Variants in RB1 observed in about 807,000 individuals in gnomAD.
RB1 encodes retinoblastoma-associated protein.
Under a neutral mutation model 135.4 loss-of-function variants are expected in RB1, and 18 were observed. That is an observed-to-expected ratio of 0.13 (90% confidence interval 0.09 to 0.20). The LOEUF is 0.20. Among genes scored for constraint, RB1 ranks in the 10% least tolerant of loss-of-function variants. The probability of loss-of-function intolerance (pLI) is 1.00; values close to 1 mark genes in which losing one functional copy is unlikely to be tolerated. For synonymous variants in RB1, 365 were observed against 373.2 expected (o/e 0.98, Z 0.25); for missense variants, 868 against 1,110.0 (o/e 0.78, Z 3.10).
chr13:48,464,199 A>G (rs1415922025), intron 21 of RB1, among the ~76,000 whole-genome samples: 1 of 152,228 alleles, frequency 6.6e-6, no homozygotes, highest in African/African-American at 2.4e-5. Context: ...CTTGCAAATC[A>G]ATAATACAAA....
chr13:48,472,733 A>AT (rs1202029459), intron 23 of RB1, among the ~76,000 whole-genome samples: 3 of 152,154 alleles, frequency 2.0e-5, no homozygotes, highest in African/African-American at 7.2e-5. Context: ...ATGTAGAGTG[A>AT]TGGCCACTTA....
At chr13:48,417,458 A>G (rs1205912602) in intron 17 of RB1, 1 of 152,214 alleles carries the variant, frequency 6.6e-6, no homozygotes. Context: ...AGATAAATCC[A>G]TGAAGATGAG....
intron 17 of RB1, among the ~76,000 whole-genome samples, chr13:48,446,109 C>T (rs1471967241): frequency 6.6e-6 from 1 of 152,142 alleles, no homozygotes; most frequent in Admixed American, 6.5e-5. Context: ...AGGTGCGTGC[C>T]ACCATGCCCG....
chr13:48,465,398 A>T (rs2138346421), intron 23 of RB1, 30 bp downstream of exon 23: 1 of 1,543,880 alleles, frequency 6.5e-7, no homozygotes, highest in Non-Finnish European at 9.0e-7. Context: ...GGAAGTAGTA[A>T]AGAATGAGAG....
Position 48,380,159 on chromosome 13 carries a change from C to A in RB1, c.1422-6C>A. The A allele has an allele frequency of 6.6e-7, 1 of 1,520,390 alleles. No individual in the cohort carries two copies. 94.2% of individuals were successfully genotyped at this position (1,520,390 alleles called of 1,614,324 possible). A position where few individuals can be genotyped will look rare whatever the true frequency, so the allele number is the denominator to read the frequency against. On this transcript the variant is annotated splice_region_variant and splice_polypyrimidine_tract_variant and intron_variant, in intron 15 of 26. Coordinates refer to ENST00000267163, the MANE Select transcript of RB1 (RefSeq NM_000321.3). ...GTATTTTATAATCTTTTTTTTTTTC[C>A]TTTAGCAAACTTCTGAATGACAACA... is the stretch of plus-strand genomic sequence containing the variant.
At chr13:48,411,248 A>T (rs1215329312) in intron 17 of RB1, 3 of 714,140 alleles carry the variant, frequency 4.2e-6, no homozygotes, top group African/African-American at 1.8e-5. Context: ...CATTGAATAC[A>T]AATTTTCTTT....
chr13:48,472,439 C>G (rs1166153631), intron 23 of RB1, among the ~76,000 whole-genome samples: 1 of 152,050 alleles, frequency 6.6e-6, no homozygotes, highest in Non-Finnish European at 1.5e-5. Flanking sequence ...TTCTAAGCTG[C>G]TAAGATGCCA....
At chr13:48,323,462 GT>G (rs560277520) in intron 2 of RB1, among the ~76,000 whole-genome samples, 6 of 150,244 alleles carry the variant, frequency 4.0e-5, no homozygotes, top group East Asian at 3.9e-4. Flanking sequence ...GTGATTTAAA[GT>G]TTTTTTTTCT....
intron 19 of RB1, among the ~76,000 whole-genome samples, chr13:48,457,325 A>T (rs1161455297): frequency 1.3e-5 from 2 of 152,112 alleles, no homozygotes; most frequent in East Asian, 3.9e-4. Flanking sequence ...GCTCGTCCTG[A>T]CAAGTGTTCA....
In RB1 at chr13:48,476,437, G is replaced by A. The variant is rs149568500; in HGVS notation, c.2521-264G>A. ...TGAGGAACCAGGACTTGCAGAGTAG[G>A]CAGTTGCTGGAGGAAGAATGTGAGC... On this transcript the variant is annotated intron_variant, in intron 24 of 26. Coordinates refer to ENST00000267163, the MANE Select transcript of RB1 (RefSeq NM_000321.3). The A allele has an allele frequency of 2.9e-4, 121 of 419,822 alleles. 1 individual carries two copies. The highest frequency in any genetic ancestry group is 2.2e-3 in the African/African-American group (110 of 49,532). The allele number at this position is 419,822 out of a possible 1,614,324, so 26.0% of individuals were successfully genotyped here.
intron 17 of RB1, among the ~76,000 whole-genome samples, chr13:48,434,705 G>A (rs1949164862): frequency 6.6e-6 from 1 of 152,008 alleles, no homozygotes; most frequent in Non-Finnish European, 1.5e-5. Flanking sequence ...ACCACCACAA[G>A]CAATTGCACC....
intron 17 of RB1, among the ~76,000 whole-genome samples, chr13:48,388,897 C>T (rs1948591661): frequency 6.6e-6 from 1 of 152,054 alleles, no homozygotes; most frequent in African/African-American, 2.4e-5. Flanking sequence ...CAATGGCTCC[C>T]GCCTGTAATC....
At chr13:48,314,779 CAA>C (rs35589400) in intron 2 of RB1, among the ~76,000 whole-genome samples, 1 of 144,898 alleles carries the variant, frequency 6.9e-6, no homozygotes. Context: ...CCAGCCTGGG[CAA>C]AAAAAAAAAG....
chr13:48,459,553 A>G, intron 19 of RB1, 135 bp from the exon 20 acceptor site: 1 of 863,136 alleles, frequency 1.2e-6, no homozygotes, highest in Non-Finnish European at 1.9e-6. Context: ...GGGAAAGAAA[A>G]GAGTGGTAGA....
intron 2 of RB1, among the ~76,000 whole-genome samples, chr13:48,333,870 A>G (rs911875576): frequency 9.2e-5 from 14 of 152,098 alleles, no homozygotes; most frequent in Admixed American, 9.2e-4. Context: ...ATTAGATACA[A>G]TATTTCTGCC....
chr13:48,406,305 G>GC (rs1948739176), intron 17 of RB1, among the ~76,000 whole-genome samples: 2 of 152,002 alleles, frequency 1.3e-5, no homozygotes, highest in South Asian at 4.1e-4. Context: ...ATTTCTCCAT[G>GC]ACGGCCACTG....
chr13:48,398,301 A>C (rs938911644), intron 17 of RB1, among the ~76,000 whole-genome samples: 1 of 152,122 alleles, frequency 6.6e-6, no homozygotes, highest in African/African-American at 2.4e-5. Context: ...TATATTCCTA[A>C]TATAGCTTTG....
chr13:48,419,413 A>C (rs1438049765), intron 17 of RB1, among the ~76,000 whole-genome samples: 2 of 152,244 alleles, frequency 1.3e-5, no homozygotes, highest in Admixed American at 1.3e-4. Flanking sequence ...TTATAGCACT[A>C]AATGCCCACA....
chr13:48,429,234 A>G (rs546005412), intron 17 of RB1: 4 of 152,314 alleles, frequency 2.6e-5, no homozygotes, highest in South Asian at 2.1e-4. Flanking sequence ...TGTAGAAAAG[A>G]TATGAGGGGG....
Sources: allele counts gnomAD v4.1 joint callset (sites outside exome capture counted in the v4.1 genomes callset), GRCh38; gene constraint gnomAD v4.1.1; transcripts MANE v1.5; gene names NCBI Gene and HGNC (gene_info 2026-07-23, HGNC 2026-07-21).